The following CFAP54 variants were observed in gnomAD, a reference collection of about 807,000 sequenced individuals.
CFAP54 encodes cilia and flagella associated protein 54.
In CFAP54, 290 loss-of-function variants were observed where a neutral mutation model predicts 370.4. That is an observed-to-expected ratio of 0.78 (90% confidence interval 0.71 to 0.86). CFAP54 has a LOEUF of 0.86. Ranked by LOEUF, CFAP54 falls within the 40% of genes least tolerant of loss-of-function variation. CFAP54 has a pLI of 0.00. For synonymous variants in CFAP54, 1,206 were observed against 1,236.5 expected (o/e 0.98, Z 0.52); for missense variants, 3,399 against 3,528.7 (o/e 0.96, Z 0.93).
intron 66 of CFAP54, among the ~76,000 whole-genome samples, chr12:96,847,651 T>C (rs1214684492): frequency 6.6e-6 from 1 of 152,230 alleles, no homozygotes; most frequent in Non-Finnish European, 1.5e-5. Context: ...TCCTGCAATA[T>C]ATCCTGTCTC....
At chr12:96,664,941 A>T (rs908064533) in intron 39 of CFAP54, among the ~76,000 whole-genome samples, 2 of 151,562 alleles carry the variant, frequency 1.3e-5, no homozygotes, top group Non-Finnish European at 1.5e-5. Context: ...CTAACAATGT[A>T]TAAGCGTTCG....
chr12:96,638,614 C>T (rs116078835), intron 32 of CFAP54, among the ~76,000 whole-genome samples: 2,836 of 152,138 alleles, frequency 0.019, 100 homozygotes, highest in African/African-American at 0.066. Context: ...TTTGTAATTT[C>T]TGCTTCTTGT....
At chr12:96,774,104 CT>C (rs1475408092) in intron 60 of CFAP54, among the ~76,000 whole-genome samples, 3 of 152,046 alleles carry the variant, frequency 2.0e-5, no homozygotes, top group African/African-American at 7.2e-5. Context: ...GAGGACTAAG[CT>C]TGAACATCTT....
At chr12:96,672,519 G>A (rs1957159448) in intron 39 of CFAP54, among the ~76,000 whole-genome samples, 1 of 152,178 alleles carries the variant, frequency 6.6e-6, no homozygotes, top group African/African-American at 2.4e-5. Context: ...GGGTTGTAGA[G>A]TAATTTAGAG....
At chr12:96,780,129 C>A (rs1958566754) in intron 60 of CFAP54, among the ~76,000 whole-genome samples, 1 of 151,946 alleles carries the variant, frequency 6.6e-6, no homozygotes, top group Non-Finnish European at 1.5e-5. Context: ...TTTTCCCATT[C>A]TTTGTTTTAC....
At chr12:96,557,280 C>CA (rs1955763806) in intron 17 of CFAP54, among the ~76,000 whole-genome samples, 1 of 152,084 alleles carries the variant, frequency 6.6e-6, no homozygotes, top group Admixed American at 6.5e-5. Flanking sequence ...GAACAATGTA[C>CA]AAAAATTCCA....
chr12:96,493,266 A>T (rs2136340820), intron 1 of CFAP54, among the ~76,000 whole-genome samples: 1 of 152,344 alleles, frequency 6.6e-6, no homozygotes, highest in Admixed American at 6.5e-5. Flanking sequence ...CAAAATAGAT[A>T]TGGGAGTCAG....
At chr12:96,657,786 T>C in intron 36 of CFAP54, 96 bp from the exon 37 acceptor site, 4 of 903,938 alleles carry the variant, frequency 4.4e-6, no homozygotes, top group Non-Finnish European at 6.9e-6. Flanking sequence ...AGTTGAGTTC[T>C]TTTCCATGTT....
intron 14 of CFAP54, among the ~76,000 whole-genome samples, 155 bp downstream of exon 14, chr12:96,541,142 A>G (rs889133747): frequency 7.2e-5 from 11 of 152,176 alleles, no homozygotes; most frequent in African/African-American, 2.7e-4. Flanking sequence ...AGATAGTTTC[A>G]TCAAGTGGAT....
At chr12:96,521,475 G>A (rs1379222884) in intron 6 of CFAP54, among the ~76,000 whole-genome samples, 1 of 151,326 alleles carries the variant, frequency 6.6e-6, no homozygotes, top group Non-Finnish European at 1.5e-5. Context: ...TGATAGGAAG[G>A]TTAGGATTTG....
intron 39 of CFAP54, among the ~76,000 whole-genome samples, chr12:96,676,891 C>T (rs956314356): frequency 2.6e-5 from 4 of 152,110 alleles, no homozygotes; most frequent in Non-Finnish European, 5.9e-5. Flanking sequence ...GAGGGAGGAC[C>T]AATGAGAAGG....
intron 14 of CFAP54, among the ~76,000 whole-genome samples, chr12:96,545,380 A>C (rs1955627872): frequency 6.6e-6 from 1 of 152,184 alleles, no homozygotes; most frequent in Non-Finnish European, 1.5e-5. Context: ...CATGTACCCC[A>C]GAACTTAAAG....
intron 60 of CFAP54, among the ~76,000 whole-genome samples, chr12:96,770,005 G>A (rs1958444193): frequency 6.6e-6 from 1 of 152,092 alleles, no homozygotes; most frequent in Non-Finnish European, 1.5e-5. Flanking sequence ...ATACAGGGTC[G>A]ATAACAACTA....
chr12:96,614,604 T>G (rs1473954767), intron 26 of CFAP54, among the ~76,000 whole-genome samples: 1 of 152,242 alleles, frequency 6.6e-6, no homozygotes, highest in African/African-American at 2.4e-5. Context: ...TGATTGTATA[T>G]GTAGAAAACC....
At chr12:96,774,627 T>C (rs1156488643) in intron 60 of CFAP54, among the ~76,000 whole-genome samples, 1 of 152,172 alleles carries the variant, frequency 6.6e-6, no homozygotes, top group East Asian at 1.9e-4. Flanking sequence ...GGAAGCAGCT[T>C]GTCTAGTTCC....
chr12:96,575,328 G>A (rs1955963875), intron 19 of CFAP54, among the ~76,000 whole-genome samples: 1 of 152,050 alleles, frequency 6.6e-6, no homozygotes, highest in African/African-American at 2.4e-5. Context: ...CTCCCATTCT[G>A]TAGGCTGTCT....
chr12:96,709,739 C>T (rs908345168), intron 48 of CFAP54, among the ~76,000 whole-genome samples: 1 of 77,736 alleles, frequency 1.3e-5, no homozygotes, highest in Non-Finnish European at 2.6e-5. Context: ...TTATTGTTTT[C>T]GAGATGGAGT....
At chr12:96,844,380 G>T (rs1280840183) in intron 66 of CFAP54, among the ~76,000 whole-genome samples, 1 of 152,132 alleles carries the variant, frequency 6.6e-6, no homozygotes, top group Non-Finnish European at 1.5e-5. Context: ...AGGGGTGCAA[G>T]TCAAGAAATA....
At chr12:96,605,356 A>C (rs1017424449) in intron 26 of CFAP54, among the ~76,000 whole-genome samples, 1 of 152,156 alleles carries the variant, frequency 6.6e-6, no homozygotes, top group Non-Finnish European at 1.5e-5. Context: ...GTCAATCAGT[A>C]ATGGAGGGGT....
Sources: allele counts gnomAD v4.1 joint callset (sites outside exome capture counted in the v4.1 genomes callset), GRCh38; gene constraint gnomAD v4.1.1; transcripts MANE v1.5; gene names NCBI Gene and HGNC (gene_info 2026-07-23, HGNC 2026-07-21).